RAPGEF6: variants seen among roughly 807,000 people sequenced by gnomAD.
RAPGEF6 encodes Rap guanine nucleotide exchange factor 6.
In RAPGEF6, 56 loss-of-function variants were observed where a neutral mutation model predicts 171.4. The observed-to-expected ratio is 0.33, with a 90% CI of 0.26 to 0.41. The LOEUF is 0.41. Among genes scored for constraint, RAPGEF6 ranks in the 10% least tolerant of loss-of-function variants. The probability of loss-of-function intolerance (pLI) is 1.00; values close to 1 mark genes in which losing one functional copy is unlikely to be tolerated. For synonymous variants in RAPGEF6, 692 were observed against 650.1 expected, an observed-to-expected ratio of 1.06 and a Z score of -0.98; for missense variants, 1,674 against 1,921.4, an observed-to-expected ratio of 0.87 and a Z score of 2.41.
At chr5:131,505,606 A>G (rs1014431235) in intron 9 of RAPGEF6, 84 bp from the exon 10 acceptor site, 5 of 1,206,380 alleles carry the variant, frequency 4.1e-6, no homozygotes, top group South Asian at 1.5e-5. Flanking sequence ...ATCAATATAT[A>G]TAACTTGAAT....
rs1472267715 is a variant in RAPGEF6 at position 131,427,281 on chromosome 5, T to C, written c.4791A>G (p.Gln1597=). 2 of 1,608,852 alleles carry C rather than the reference T, an allele frequency of 1.2e-6. No homozygotes were observed. The highest frequency in any genetic ancestry group is 1.7e-6 in the Non-Finnish European group (2 of 1,175,494). Residue 1597 remains glutamine, a synonymous_variant, in exon 28 of 28, where the codon CAA becomes CAG. Coordinates refer to ENST00000509018, the MANE Select transcript of RAPGEF6 (RefSeq NM_016340.6). The part of the protein sequence containing the change: ...DADSEADENE[Q]VSAV ...CATCCAAAGGCTAGACTGCTGAAAC[T>C]TGTTCATTTTCTGAAAATAAAAAAT...
intron 6 of RAPGEF6, among the ~76,000 whole-genome samples, chr5:131,532,402 G>C (rs1159877852): frequency 1.3e-5 from 2 of 152,252 alleles, no homozygotes; most frequent in African/African-American, 4.8e-5. Context: ...AGAATATACA[G>C]ACATATACAT....
intron 6 of RAPGEF6, among the ~76,000 whole-genome samples, chr5:131,541,283 G>C (rs1760124663): frequency 6.6e-6 from 1 of 152,182 alleles, no homozygotes; most frequent in South Asian, 2.1e-4. Flanking sequence ...AGAAGAGCAT[G>C]ACAGAAGCCC....
At chr5:131,439,455 C>CA in intron 24 of RAPGEF6, 126 bp downstream of exon 24, 1 of 1,405,912 alleles carries the variant, frequency 7.1e-7, no homozygotes, top group East Asian at 2.5e-5. Flanking sequence ...CATCAAAGTT[C>CA]AAAAAGCATT....
intron 7 of RAPGEF6, among the ~76,000 whole-genome samples, chr5:131,520,036 A>C (rs1758371075): frequency 6.6e-6 from 1 of 152,240 alleles, no homozygotes; most frequent in African/African-American, 2.4e-5. Context: ...AAACAGGGAG[A>C]TATAGATGAC....
chr5:131,523,279 CTTTTTTTTTTTTTTTTT>C (rs1171953953), intron 6 of RAPGEF6, among the ~76,000 whole-genome samples: 1 of 66,648 alleles, frequency 1.5e-5, no homozygotes, highest in African/African-American at 7.0e-5. Flanking sequence ...CTGTTGTATG[CTTTTTTTTTTTTTTTTT>C]TTTTTTTTTA....
At chr5:131,472,516 G>T in intron 17 of RAPGEF6, 71 bp downstream of exon 17, 1 of 1,528,388 alleles carries the variant, frequency 6.5e-7, no homozygotes, top group Non-Finnish European at 9.0e-7. Flanking sequence ...AGCACTTGCT[G>T]CACAAGGCTT....
At chr5:131,603,447 A>T in intron 2 of RAPGEF6, 120 bp from the exon 3 acceptor site, 1 of 641,048 alleles carries the variant, frequency 1.6e-6, no homozygotes, top group Non-Finnish European at 2.7e-6. Flanking sequence ...ATCTACCAGT[A>T]TGTTGTCACT....
chr5:131,428,862 C>A, intron 27 of RAPGEF6, 40 bp downstream of exon 27: 2 of 1,549,370 alleles, frequency 1.3e-6, no homozygotes, highest in South Asian at 1.2e-5. Flanking sequence ...ATGTGTTCAG[C>A]AATTCATTTA....
intron 7 of RAPGEF6, among the ~76,000 whole-genome samples, chr5:131,515,228 T>C (rs558121606): frequency 6.6e-6 from 1 of 152,332 alleles, no homozygotes; most frequent in African/African-American, 2.4e-5. Context: ...CTTTTCTGTA[T>C]TCCCATCTTT....
chr5:131,482,554 C>T (rs1231013934), intron 15 of RAPGEF6, among the ~76,000 whole-genome samples: 1 of 152,170 alleles, frequency 6.6e-6, no homozygotes, highest in Non-Finnish European at 1.5e-5. Flanking sequence ...CCTTCTGCCT[C>T]GCCCTCCCAA....
intron 7 of RAPGEF6, among the ~76,000 whole-genome samples, chr5:131,516,199 T>TGCCTCA (rs1243827122): frequency 6.6e-6 from 1 of 151,762 alleles, no homozygotes; most frequent in African/African-American, 2.4e-5. Flanking sequence ...GCGATTCTCT[T>TGCCTCA]GCCTCAGCCT....
intron 1 of RAPGEF6, among the ~76,000 whole-genome samples, chr5:131,626,900 A>T (rs1195605722): frequency 3.9e-5 from 6 of 152,338 alleles, no homozygotes; most frequent in Non-Finnish European, 8.8e-5. Flanking sequence ...CATATTGTTA[A>T]TCTATACCTA....
Position 131,498,461 on chromosome 5 carries a change from G to A in RAPGEF6, c.1401C>T (p.Ile467=), listed in dbSNP as rs756639446. 4.2e-5 allele frequency: 68 copies of A among 1,605,286 alleles called. 1 individual carries two copies. In the East Asian group the frequency reaches 9.9e-4, roughly 23 times the overall value. Residue 467 remains isoleucine, a synonymous_variant, in exon 12 of 28, where the codon ATC becomes ATT. Coordinates refer to ENST00000509018, the MANE Select transcript of RAPGEF6 (RefSeq NM_016340.6). ...AACCAACCTTATCTCTTAAGCTGTC[G>A]ATCTTAAACCATTCCAATAGTTTGA... ...VGIKLLEWFK[I]DSLRDKVTRI...
intron 21 of RAPGEF6, among the ~76,000 whole-genome samples, chr5:131,451,708 G>C (rs1024086143): frequency 6.6e-6 from 1 of 152,142 alleles, no homozygotes. Context: ...TATTGTGTTG[G>C]TGTAAAAGTA....
chr5:131,634,845 G>T, intron 1 of RAPGEF6, 117 bp downstream of exon 1: 1 of 1,194,388 alleles, frequency 8.4e-7, no homozygotes, highest in Non-Finnish European at 1.2e-6. Flanking sequence ...CAAGCGAACA[G>T]ATTCCCAGTA....
chr5:131,453,230 G>A, intron 20 of RAPGEF6, 53 bp from the exon 21 acceptor site: 1 of 1,521,278 alleles, frequency 6.6e-7, no homozygotes. Context: ...CTACATAAAA[G>A]TAGCAAAAGT....
At chr5:131,522,416 A>G (rs1758557515) in intron 6 of RAPGEF6, among the ~76,000 whole-genome samples, 1 of 152,194 alleles carries the variant, frequency 6.6e-6, no homozygotes, top group Non-Finnish European at 1.5e-5. Flanking sequence ...AATCAATTTA[A>G]TTTTTAAAAT....
chr5:131,563,086 A>T (rs1012962249), intron 4 of RAPGEF6, among the ~76,000 whole-genome samples: 1 of 152,156 alleles, frequency 6.6e-6, no homozygotes, highest in Non-Finnish European at 1.5e-5. Flanking sequence ...AGCCCTGTCA[A>T]CTATACTAAG....
Sources: gnomAD v4.1 joint callset for allele counts (sites outside exome capture counted in the v4.1 genomes callset) on GRCh38, gnomAD v4.1.1 for gene constraint, MANE v1.5 for transcripts, NCBI Gene and HGNC (gene_info 2026-07-23, HGNC 2026-07-21) for gene names.